The following NTRK3 variants were observed in gnomAD, a reference collection of about 807,000 sequenced individuals.
NTRK3 encodes the protein NT-3 growth factor receptor.
NTRK3 carries 24 observed loss-of-function variants against 91.7 expected under a neutral mutation model. The observed-to-expected ratio is 0.26, with a 90% CI of 0.19 to 0.37. The LOEUF (loss-of-function observed/expected upper bound fraction) is 0.37, where lower values mean the gene tolerates loss of function less well. NTRK3 is among the 10% of genes least tolerant of loss of function. The pLI is 1.00. For missense variants in NTRK3, 880 were observed against 1,068.9 expected (o/e 0.82, Z 2.46); for synonymous variants, 483 against 404.0 (o/e 1.20, Z -2.34).
At chr15:88,103,404 C>G (rs1294360410) in intron 13 of NTRK3, among the ~76,000 whole-genome samples, 1 of 152,220 alleles carries the variant, frequency 6.6e-6, no homozygotes, top group East Asian at 1.9e-4. Context: ...GGCTTCACTA[C>G]TGCTTGAGCC....
At chr15:87,880,572 G>T in intron 17 of NTRK3, 144 bp from the exon 19 acceptor site, 1 of 985,980 alleles carries the variant, frequency 1.0e-6, no homozygotes, top group Non-Finnish European at 1.5e-6. Context: ...TATCAGAGGT[G>T]TGTGAAGATG....
intron 14 of NTRK3, among the ~76,000 whole-genome samples, chr15:87,999,362 C>T (rs1470237465): frequency 1.3e-5 from 2 of 152,204 alleles, no homozygotes; most frequent in Non-Finnish European, 2.9e-5. Flanking sequence ...CCTCTAGCAG[C>T]AGGTACTTAG....
intron 13 of NTRK3, among the ~76,000 whole-genome samples, chr15:88,101,316 G>C (rs550451900): frequency 6.6e-6 from 1 of 152,314 alleles, no homozygotes; most frequent in African/African-American, 2.4e-5. Context: ...ACCACAATGA[G>C]ATGCCATCTC....
In NTRK3 at chr15:88,115,487, C is replaced by A. The variant is rs536161717; in HGVS notation, c.1396+10784G>T. Among the ~76,000 whole-genome samples, 3 of 152,318 alleles carry A rather than the reference C, an allele frequency of 2.0e-5. No homozygotes were observed. The South Asian group carries it at 6.2e-4, about 32-fold the overall frequency. On this transcript the variant is annotated intron_variant, in intron 13 of 18. Coordinates refer to ENST00000394480, the Ensembl canonical transcript of NTRK3. ...TTGAAAGGCAGTTCCTGGAACCACCCGGACGCCCTCCTTGGGGCTTCATGT... is the reference window on the plus strand; with the variant it reads ...TTGAAAGGCAGTTCCTGGAACCACCAGGACGCCCTCCTTGGGGCTTCATGT...
In NTRK3 at chr15:88,243,444, G is replaced by A. The variant is rs936914236; in HGVS notation, c.248+12462C>T. On this transcript the variant is annotated intron_variant, in intron 3 of 18. Coordinates refer to ENST00000394480, the Ensembl canonical transcript of NTRK3. This position sits in a 1 kb window ranked among gnomAD's most constrained non-coding sequence, Gnocchi z 4.8. Reference sequence around the variant, plus strand: ...CCAGCCTCAGAGCTACTCCTCTGCTGAGAGGAGGCTGGAGTTTCTTCACCA... The same window carrying A: ...CCAGCCTCAGAGCTACTCCTCTGCTAAGAGGAGGCTGGAGTTTCTTCACCA... 1.3e-5 allele frequency among the ~76,000 whole-genome samples: 2 copies of A among 152,060 alleles called. No individual in the cohort carries two copies. Among genetic ancestry groups the A allele is most frequent in the African/African-American group, 4.8e-5 (2 of 41,392 alleles).
chr15:88,029,647 A>G (rs1392685591), intron 14 of NTRK3, among the ~76,000 whole-genome samples: 3 of 152,204 alleles, frequency 2.0e-5, no homozygotes, highest in African/African-American at 4.8e-5. Flanking sequence ...GGGATTCACA[A>G]TGTGAGCATT....
At chr15:87,915,759 G>A (rs967068464) in intron 17 of NTRK3, among the ~76,000 whole-genome samples, 4 of 151,968 alleles carry the variant, frequency 2.6e-5, no homozygotes, top group African/African-American at 9.7e-5. Context: ...CCATCTATTG[G>A]GTGCCTAATG....
chr15:87,956,989 C>A (rs887735910), intron 14 of NTRK3, among the ~76,000 whole-genome samples: 1 of 152,120 alleles, frequency 6.6e-6, no homozygotes, highest in Non-Finnish European at 1.5e-5. Flanking sequence ...GCACTGGGGG[C>A]GGAGCAGTGG....
intron 3 of NTRK3, among the ~76,000 whole-genome samples, chr15:88,217,929 T>G (rs2049931618): frequency 6.6e-6 from 1 of 152,076 alleles, no homozygotes; most frequent in Non-Finnish European, 1.5e-5. Flanking sequence ...CGGTTAATTT[T>G]TTTTGTATTT....
intron 17 of NTRK3, among the ~76,000 whole-genome samples, chr15:87,914,310 C>T (rs2067296034): frequency 6.6e-6 from 1 of 152,166 alleles, no homozygotes; most frequent in African/African-American, 2.4e-5. Context: ...TTCTCCAGTC[C>T]TCTGCACTGA....
chr15:88,165,878 T>C (rs74027787), intron 5 of NTRK3, among the ~76,000 whole-genome samples: 2,313 of 152,300 alleles, frequency 0.015, 58 homozygotes, highest in African/African-American at 0.051. Flanking sequence ...TGTGTGTATG[T>C]GCACATGCGC....
chr15:88,218,802 A>AT (rs1203887273), intron 3 of NTRK3, among the ~76,000 whole-genome samples: 3 of 152,242 alleles, frequency 2.0e-5, no homozygotes, highest in Admixed American at 6.5e-5. Context: ...CTGATGCCGC[A>AT]TTAACCCCTG....
intron 5 of NTRK3, among the ~76,000 whole-genome samples, chr15:88,161,410 G>C (rs920441253): frequency 3.9e-5 from 6 of 152,154 alleles, no homozygotes; most frequent in African/African-American, 1.4e-4. Flanking sequence ...CTAGGGCCCT[G>C]TCTCCTGTGC....
At chr15:87,882,634 T>C (rs957620851) in intron 17 of NTRK3, among the ~76,000 whole-genome samples, 6 of 152,048 alleles carry the variant, frequency 3.9e-5, no homozygotes, top group Admixed American at 3.3e-4. Context: ...GAAGAGTAGA[T>C]ATAGAAATAA....
chr15:88,136,418 T>C (rs770615329), intron 8 of NTRK3, 49 bp downstream of exon 8: 2 of 1,613,250 alleles, frequency 1.2e-6, no homozygotes, highest in South Asian at 1.1e-5. Flanking sequence ...AAGACTACAG[T>C]GTGATCACTC....
At chr15:87,861,373 C>T (rs1307568252) in exon 19 of NTRK3, 1 of 211,986 alleles carries the variant, frequency 4.7e-6, no homozygotes. Context: ...CAACATCAGC[C>T]TAGAGATAAA....
chr15:88,134,012 G>C (rs1007512526), intron 10 of NTRK3, among the ~76,000 whole-genome samples: 1 of 152,240 alleles, frequency 6.6e-6, no homozygotes, highest in African/African-American at 2.4e-5. Context: ...TGTAGACTGT[G>C]AAGTTGACTT....
intron 3 of NTRK3, among the ~76,000 whole-genome samples, chr15:88,204,431 A>G (rs1215498778): frequency 1.3e-5 from 2 of 152,228 alleles, no homozygotes; most frequent in East Asian, 3.9e-4. Context: ...CATTATAGAA[A>G]TGTAGGGAAG....
At chr15:87,983,272 C>T (rs1358348588) in intron 14 of NTRK3, among the ~76,000 whole-genome samples, 2 of 152,184 alleles carry the variant, frequency 1.3e-5, no homozygotes, top group Non-Finnish European at 2.9e-5. Flanking sequence ...GGGTGGTAGA[C>T]TAACAGGGAG....
Sources: gnomAD v4.1 joint callset for allele counts (sites outside exome capture counted in the v4.1 genomes callset) on GRCh38, gnomAD v4.1.1 for gene constraint, Gnocchi (gnomAD v3.1) non-coding constraint, MANE v1.5 for transcripts, NCBI Gene and HGNC (gene_info 2026-07-23, HGNC 2026-07-21) for gene names.